The following CLASP1 variants were observed in gnomAD, a reference collection of about 807,000 sequenced individuals.
The protein encoded by CLASP1 is CLIP-associating protein 1.
In CLASP1, 38 loss-of-function variants were observed where a neutral mutation model predicts 192.3. That is an observed-to-expected ratio of 0.20 (90% CI 0.15 to 0.26). CLASP1 has a LOEUF of 0.26. Among genes scored for constraint, CLASP1 ranks in the 10% least tolerant of loss-of-function variants. The probability of loss-of-function intolerance (pLI) is 1.00; values close to 1 mark genes in which losing one functional copy is unlikely to be tolerated. For missense variants in CLASP1, 1,433 were observed against 1,932.5 expected, an observed-to-expected ratio of 0.74 and a Z score of 4.85; for synonymous variants, 691 against 712.8, an observed-to-expected ratio of 0.97 and a Z score of 0.49.
rs368206881 is a variant in CLASP1 at position 121,496,737 on chromosome 2, G to A, written c.712+6430C>T. Among the ~76,000 whole-genome samples the A allele has an allele frequency of 3.9e-5, 6 of 152,242 alleles. No individual in the cohort carries two copies. The South Asian group carries it at 6.2e-4, about 16-fold the overall frequency. On this transcript the variant is annotated intron_variant, in intron 8 of 39. Transcript: ENST00000263710. The stretch of plus-strand genomic sequence containing the variant: ...CGAGATAGGTATTAGTCAGATAATC[G>A]CCAAATGTAAACCTGCAAACATGAC...
intron 22 of CLASP1, among the ~76,000 whole-genome samples, chr2:121,421,246 T>C (rs1299916451): frequency 1.3e-5 from 2 of 152,174 alleles, no homozygotes; most frequent in Non-Finnish European, 2.9e-5. Flanking sequence ...TTAAAATAAG[T>C]ATATTTATTT....
At chr2:121,441,132 T>C (rs572903569) in intron 19 of CLASP1, among the ~76,000 whole-genome samples, 1 of 152,338 alleles carries the variant, frequency 6.6e-6, no homozygotes, top group Non-Finnish European at 1.5e-5. Context: ...TCCTATCTTC[T>C]TGTTAGGCAA....
At chr2:121,375,426 C>T (rs576661385) in intron 34 of CLASP1, among the ~76,000 whole-genome samples, 4 of 147,622 alleles carry the variant, frequency 2.7e-5, no homozygotes, top group South Asian at 2.2e-4. Context: ...TGCAGTGGCA[C>T]GATCTCGGCT....
At chr2:121,447,816 C>G (rs1171790440) in intron 18 of CLASP1, among the ~76,000 whole-genome samples, 1 of 152,098 alleles carries the variant, frequency 6.6e-6, no homozygotes, top group Admixed American at 6.5e-5. Flanking sequence ...GGAAAAAATG[C>G]TCACATCTAG....
At chr2:121,405,718 A>T (rs1159163694) in intron 25 of CLASP1, among the ~76,000 whole-genome samples, 2 of 148,066 alleles carry the variant, frequency 1.4e-5, no homozygotes, top group African/African-American at 5.2e-5. Flanking sequence ...ACAAAGTGGG[A>T]CCACCAGGAT....
At chr2:121,587,570 C>T (rs2061866614) in intron 2 of CLASP1, among the ~76,000 whole-genome samples, 1 of 152,210 alleles carries the variant, frequency 6.6e-6, no homozygotes, top group Admixed American at 6.5e-5. Context: ...TGGCTCACGC[C>T]TGTAATCCCA....
intron 1 of CLASP1, among the ~76,000 whole-genome samples, chr2:121,642,381 C>G (rs1021077248): frequency 6.6e-5 from 9 of 137,038 alleles, no homozygotes; most frequent in Non-Finnish European, 3.1e-5. Flanking sequence ...CCCTGGGTGA[C>G]AGAGCAGGTA....
At chr2:121,498,434 T>A (rs1010614407) in intron 8 of CLASP1, among the ~76,000 whole-genome samples, 3 of 152,072 alleles carry the variant, frequency 2.0e-5, no homozygotes, top group Non-Finnish European at 4.4e-5. Context: ...CTCAAACTCC[T>A]AACCTCAGAT....
At chr2:121,560,970 G>C (rs915202238) in intron 2 of CLASP1, among the ~76,000 whole-genome samples, 1 of 152,150 alleles carries the variant, frequency 6.6e-6, no homozygotes, top group Non-Finnish European at 1.5e-5. Flanking sequence ...GCAATGGCAC[G>C]ATCCTGGCTC....
chr2:121,418,810 T>C (rs976795691), intron 22 of CLASP1, 81 bp from the exon 23 acceptor site: 5 of 1,015,364 alleles, frequency 4.9e-6, no homozygotes, highest in Admixed American at 1.7e-5. Context: ...TCAGTCACAT[T>C]TGGTTAATGT....
chr2:121,412,246 A>AT (rs2077839041), intron 23 of CLASP1, among the ~76,000 whole-genome samples: 1 of 152,184 alleles, frequency 6.6e-6, no homozygotes, highest in South Asian at 2.1e-4. Context: ...ACAGTCATGA[A>AT]TTTTTTAAAA....
chr2:121,355,424 CG>C (rs1353883662), intron 37 of CLASP1, among the ~76,000 whole-genome samples: 1 of 152,126 alleles, frequency 6.6e-6, no homozygotes, highest in Non-Finnish European at 1.5e-5. Context: ...CCACCACGCC[CG>C]GATGATCAAA....
chr2:121,349,803 T>C (rs1182015351), intron 37 of CLASP1, among the ~76,000 whole-genome samples: 1 of 151,968 alleles, frequency 6.6e-6, no homozygotes, highest in Non-Finnish European at 1.5e-5. Flanking sequence ...CCTTTTGTAA[T>C]AAAGATGGAA....
chr2:121,464,590 T>C (rs2089049306), intron 9 of CLASP1, among the ~76,000 whole-genome samples: 1 of 152,258 alleles, frequency 6.6e-6, no homozygotes, highest in Admixed American at 6.5e-5. Context: ...ATTTCTCTGA[T>C]AGCCAGTGAT....
chr2:121,530,147 G>C, intron 3 of CLASP1, 100 bp downstream of exon 3: 1 of 970,892 alleles, frequency 1.0e-6, no homozygotes, highest in East Asian at 2.8e-5. Flanking sequence ...GGCTGGAGGG[G>C]AGGCAGGGTG....
chr2:121,463,864 C>CT (rs199551182), intron 9 of CLASP1, among the ~76,000 whole-genome samples: 6,305 of 151,908 alleles, frequency 0.042, 170 homozygotes, highest in East Asian at 0.14. Context: ...TATTATTATA[C>CT]TTTAAGTTTT....
chr2:121,528,156 C>A (rs1167026956), intron 4 of CLASP1, among the ~76,000 whole-genome samples: 1 of 152,234 alleles, frequency 6.6e-6, no homozygotes, highest in African/African-American at 2.4e-5. Flanking sequence ...TAACTGTCCT[C>A]ATTTTATGGG....
intron 9 of CLASP1, among the ~76,000 whole-genome samples, chr2:121,463,610 T>C (rs1486403338): frequency 1.3e-5 from 2 of 152,148 alleles, no homozygotes; most frequent in Non-Finnish European, 2.9e-5. Flanking sequence ...TACCCACATA[T>C]ACTGAAGAGG....
intron 24 of CLASP1, chr2:121,409,107 T>A: frequency 7.3e-7 from 1 of 1,376,656 alleles, no homozygotes; most frequent in East Asian, 2.5e-5. Flanking sequence ...GTCAGAAGCA[T>A]ATGTAGGGAT....
Sources: gnomAD v4.1 joint callset for allele counts (sites outside exome capture counted in the v4.1 genomes callset) on GRCh38, gnomAD v4.1.1 for gene constraint, MANE v1.5 for transcripts, NCBI Gene and HGNC (gene_info 2026-07-23, HGNC 2026-07-21) for gene names.